FAM24B: variants seen among roughly 807,000 people sequenced by gnomAD.
FAM24B encodes the protein protein FAM24B.
FAM24B carries 3 observed loss-of-function variants against 2.3 expected under a neutral mutation model. The ratio of observed to expected loss-of-function variants is 1.29; its 90% confidence interval spans 0.59 to 3.32. FAM24B has a LOEUF of 3.32. Among genes scored for constraint, FAM24B ranks in the 30% most tolerant of loss-of-function variants. The probability of loss-of-function intolerance (pLI) is 0.03; values close to 1 mark genes in which losing one functional copy is unlikely to be tolerated. For synonymous variants in FAM24B, 36 were observed against 46.3 expected (o/e 0.78, Z 0.90); for missense variants, 98 against 117.2 (o/e 0.84, Z 0.76).
At chr10:122,862,143 T>C (rs1163046411) in intron 1 of FAM24B, among the ~76,000 whole-genome samples, 1 of 152,196 alleles carries the variant, frequency 6.6e-6, no homozygotes, top group African/African-American at 2.4e-5. Flanking sequence ...CACACCTGAG[T>C]GCATTCCTCT....
chr10:122,868,221 G>T (rs941792414), intron 1 of FAM24B, among the ~76,000 whole-genome samples: 8 of 152,074 alleles, frequency 5.3e-5, no homozygotes, highest in African/African-American at 1.9e-4. Context: ...AGCGTGAAGA[G>T]AATTTTAGAG....
chr10:122,875,965 C>T (rs1367168955), intron 1 of FAM24B, among the ~76,000 whole-genome samples: 2 of 152,230 alleles, frequency 1.3e-5, no homozygotes, highest in Non-Finnish European at 2.9e-5. Flanking sequence ...CGCCCTAGTG[C>T]TGGCACGCCA....
intron 2 of FAM24B, among the ~76,000 whole-genome samples, chr10:122,853,570 G>A (rs767844921): frequency 1.3e-5 from 2 of 152,038 alleles, no homozygotes; most frequent in East Asian, 3.9e-4. Context: ...ATGTATCCAT[G>A]CCCTTTGTTT....
At chr10:122,855,841 A>ATCAT (rs1447732923) in intron 1 of FAM24B, 55 bp from the exon 2 acceptor site, 1 of 152,258 alleles carries the variant, frequency 6.6e-6, no homozygotes, top group African/African-American at 2.4e-5. Flanking sequence ...GAAAGGGGAG[A>ATCAT]TCATTCAGCT....
intron 1 of FAM24B, 101 bp from the exon 2 acceptor site, chr10:122,855,887 G>T: frequency 6.6e-6 from 1 of 152,336 alleles, no homozygotes. Flanking sequence ...CTCAGACAGA[G>T]GGAGAGCTCA....
intron 1 of FAM24B, among the ~76,000 whole-genome samples, chr10:122,863,405 G>C (rs1175021125): frequency 1.3e-5 from 2 of 152,188 alleles, no homozygotes; most frequent in East Asian, 3.9e-4. Flanking sequence ...AGCTAGCAGG[G>C]AAAAGGGCCA....
chr10:122,872,502 C>T (rs1179721264), intron 1 of FAM24B, among the ~76,000 whole-genome samples: 3 of 152,160 alleles, frequency 2.0e-5, no homozygotes, highest in Non-Finnish European at 4.4e-5. Flanking sequence ...TTTATTGTGG[C>T]ATTATTCACA....
chr10:122,861,736 A>G (rs1160405876), intron 1 of FAM24B, among the ~76,000 whole-genome samples: 2 of 152,174 alleles, frequency 1.3e-5, no homozygotes, highest in South Asian at 2.1e-4. Flanking sequence ...TCAAATTCCA[A>G]TTGTTCATTG....
intron 1 of FAM24B, among the ~76,000 whole-genome samples, chr10:122,870,336 C>G (rs1263528857): frequency 1.3e-5 from 2 of 152,156 alleles, no homozygotes; most frequent in Non-Finnish European, 2.9e-5. Context: ...GATGGATTCA[C>G]AGCCGAATTC....
intron 1 of FAM24B, among the ~76,000 whole-genome samples, chr10:122,875,547 T>C (rs1847964047): frequency 6.6e-6 from 1 of 152,210 alleles, no homozygotes; most frequent in Non-Finnish European, 1.5e-5. Flanking sequence ...TCAGGCTACT[T>C]GATTCATGTC....
chr10:122,859,758 G>A (rs1847698130), intron 1 of FAM24B, among the ~76,000 whole-genome samples: 1 of 152,204 alleles, frequency 6.6e-6, no homozygotes, highest in Admixed American at 6.5e-5. Flanking sequence ...AATGAACTAT[G>A]AAGCAGCTGC....
intron 2 of FAM24B, among the ~76,000 whole-genome samples, chr10:122,854,890 T>C (rs1034009602): frequency 6.9e-6 from 1 of 144,670 alleles, no homozygotes; most frequent in Non-Finnish European, 1.5e-5. Flanking sequence ...TAACAAATGG[T>C]GCAAACACCC....
chr10:122,860,957 G>A (rs1847718190), intron 1 of FAM24B, among the ~76,000 whole-genome samples: 4 of 151,830 alleles, frequency 2.6e-5, no homozygotes, highest in Admixed American at 2.6e-4. Flanking sequence ...TATGTGATTT[G>A]CAAATATTTT....
intron 1 of FAM24B, among the ~76,000 whole-genome samples, chr10:122,868,633 A>C (rs528775222): frequency 0.016 from 2,420 of 152,268 alleles, 44 homozygotes; most frequent in Non-Finnish European, 0.021. Context: ...AATATTCAAC[A>C]TTCTTAAAGA....
At chr10:122,870,706 T>G (rs976284279) in intron 1 of FAM24B, among the ~76,000 whole-genome samples, 13 of 152,220 alleles carry the variant, frequency 8.5e-5, no homozygotes, top group African/African-American at 3.1e-4. Flanking sequence ...TCTCAATAGA[T>G]GCAGAAAAGG....
intron 1 of FAM24B, among the ~76,000 whole-genome samples, chr10:122,875,580 T>C (rs901178431): frequency 2.0e-5 from 3 of 152,220 alleles, no homozygotes; most frequent in Non-Finnish European, 2.9e-5. Context: ...AGTTAGGCTG[T>C]GTTTAATGTT....
Position 122,849,096 on chromosome 10 carries a change from A to G in FAM24B, c.*151T>C. On this transcript the variant is annotated 3_prime_UTR_variant, in exon 4 of 4. Coordinates refer to ENST00000368898, the MANE Select transcript of FAM24B (RefSeq NM_152644.3). ...AAAAATATTGGCAGCAAAGAGGATT[A>G]TTTTTAATAGTGTACATTTATTCAA... 1 of 490,112 alleles carries G rather than the reference A, an allele frequency of 2.0e-6. No homozygotes were observed. The highest frequency in any genetic ancestry group is 2.0e-5 in the African/African-American group (1 of 50,188). 30.4% of individuals were successfully genotyped at this position (490,112 alleles called of 1,614,324 possible). A position where few individuals can be genotyped will look rare whatever the true frequency, so the allele number is the denominator to read the frequency against.
chr10:122,857,949 T>C (rs1387073024), intron 1 of FAM24B, among the ~76,000 whole-genome samples: 1 of 152,232 alleles, frequency 6.6e-6, no homozygotes, highest in African/African-American at 2.4e-5. Flanking sequence ...CAAGGCTGGC[T>C]CTGAATGCTC....
At chr10:122,867,119 C>T (rs1055277669) in intron 1 of FAM24B, among the ~76,000 whole-genome samples, 6 of 152,186 alleles carry the variant, frequency 3.9e-5, no homozygotes, top group African/African-American at 1.4e-4. Flanking sequence ...TCAAACCAGC[C>T]ACAACATTCC....
Sources: allele counts gnomAD v4.1 joint callset (sites outside exome capture counted in the v4.1 genomes callset), GRCh38; gene constraint gnomAD v4.1.1; transcripts MANE v1.5; gene names NCBI Gene and HGNC (gene_info 2026-07-23, HGNC 2026-07-21).